Variants in C3 observed in about 807,000 individuals in gnomAD.
The protein encoded by C3 is complement C3.
C3 carries 97 observed loss-of-function variants against 207.9 expected under a neutral mutation model. That is an observed-to-expected ratio of 0.47 (90% CI 0.40 to 0.55). C3 has a LOEUF of 0.55. Among genes scored for constraint, C3 ranks in the 20% least tolerant of loss-of-function variants. The probability of loss-of-function intolerance (pLI) is 0.00; values close to 1 mark genes in which losing one functional copy is unlikely to be tolerated. For missense variants in C3, 1,684 were observed against 2,171.7 expected (o/e 0.78, Z 4.46); for synonymous variants, 848 against 857.6 (o/e 0.99, Z 0.20).
At chr19:6,708,852 A>G (rs1246412927) in intron 14 of C3, among the ~76,000 whole-genome samples, 1 of 151,362 alleles carries the variant, frequency 6.6e-6, no homozygotes, top group Non-Finnish European at 1.5e-5. Flanking sequence ...ATGCCCAGCT[A>G]TTTTAAAATT....
rs146613648 is a variant in C3 at position 6,707,920 on chromosome 19, C to T, written c.1855G>A (p.Val619Met). 7.3e-4 allele frequency: 1,175 copies of T among 1,613,726 alleles called. No homozygotes were observed. Among genetic ancestry groups the T allele is most frequent in the Non-Finnish European group, 9.2e-4 (1,091 of 1,180,018 alleles). Residue 619 changes from valine (V) to methionine (M), a missense_variant, in exon 15 of 41, where the codon GTG becomes ATG. Physicochemically the swap from Val to Met is conservative, Grantham distance 21. This residue lies in a region of C3 where 1,280 missense variants were observed against 1,739.1 expected (regional missense o/e 0.74). Coordinates refer to ENST00000245907, the MANE Select transcript of C3 (RefSeq NM_000064.4). ...CAGCCGATGTCTGCCTTCTCCACCA[C>T]GTCCCAGATCTGCGGGGGGCATAGG... ...NKLTQSKIWD[V>M]VEKADIGCTP...
intron 2 of C3, among the ~76,000 whole-genome samples, chr19:6,718,677 G>A (rs921367796): frequency 6.6e-6 from 1 of 151,428 alleles, no homozygotes; most frequent in Non-Finnish European, 1.5e-5. Flanking sequence ...AAAGGGAAGG[G>A]GCTGACATGG....
In C3 at chr19:6,689,328, C is replaced by CTT. The variant is rs1599503345; in HGVS notation, c.3489+1300_3489+1301insAA. 3.2e-4 allele frequency among the ~76,000 whole-genome samples: 17 copies of CTT among 53,270 alleles called. No individual in the cohort carries two copies. In the East Asian group the frequency reaches 5.9e-3, roughly 18 times the overall value. 34.9% of individuals were successfully genotyped at this position (53,270 alleles called of 152,430 possible). ...CTCTCTCTCTCTCTCTCTCTACCTACCTCCCTCCCTCCCTCCCTCCCTCCC... is the reference window on the plus strand; with the variant it reads ...CTCTCTCTCTCTCTCTCTCTACCTACTTCTCCCTCCCTCCCTCCCTCCCTCCC... On this transcript the variant is annotated intron_variant, in intron 27 of 40. Coordinates refer to ENST00000245907, the MANE Select transcript of C3 (RefSeq NM_000064.4).
intron 26 of C3, among the ~76,000 whole-genome samples, chr19:6,692,428 C>T (rs539089777): frequency 1.3e-5 from 2 of 152,236 alleles, no homozygotes; most frequent in South Asian, 4.1e-4. Context: ...AAAAAATCAC[C>T]CCAACTGCTA....
rs2145396562 is a variant in C3 at position 6,685,058 on chromosome 19, A to C, written c.3899T>G (p.Leu1300Arg). 1 of 1,613,958 alleles carries C rather than the reference A, an allele frequency of 6.2e-7. No individual in the cohort carries two copies. Among genetic ancestry groups the C allele is most frequent in the East Asian group, 2.2e-5 (1 of 44,882 alleles). The change falls in exon 30 of 41, where the codon CTG becomes CGG. Residue 1300 changes from leucine to arginine, a missense_variant. Coordinates refer to ENST00000245907, the MANE Select transcript of C3 (RefSeq NM_000064.4). ...GGTGATCTTGGAGCTGCGGCTGGGCAGTTGGAGGGACACATCAAGGTTCAG... is the reference window on the plus strand; with the variant it reads ...GGTGATCTTGGAGCTGCGGCTGGGCCGTTGGAGGGACACATCAAGGTTCAG... ...QELNLDVSLQ[L>R]PSRSSKITHR... is the part of the protein sequence containing the mutation.
At position 6,719,423 on chromosome 19, in the gene C3, G is replaced by T; in HGVS notation, c.75-20C>A. 2 of 1,610,734 alleles carry T rather than the reference G, an allele frequency of 1.2e-6. No individual in the cohort carries two copies. Among genetic ancestry groups the T allele is most frequent in the Non-Finnish European group, 1.7e-6 (2 of 1,177,168 alleles). On this transcript the variant is annotated intron_variant, in intron 1 of 40. Coordinates refer to ENST00000245907, the MANE Select transcript of C3 (RefSeq NM_000064.4). This position sits in a 1 kb window ranked among gnomAD's most constrained non-coding sequence, Gnocchi z 5.4. ...GAGTACCTGTCGGAGTGGGGCACGG[G>T]AGTGGGCTTGTCATTCCACGGATGT... is the stretch of plus-strand genomic sequence containing the variant.
rs1167343514 is a variant in C3 at position 6,697,782 on chromosome 19, G to C, written c.2453C>G (p.Ala818Gly). 1 of 1,613,266 alleles carries C rather than the reference G, an allele frequency of 6.2e-7. No individual in the cohort carries two copies. The highest frequency in any genetic ancestry group is 2.2e-5 in the East Asian group (1 of 44,856). ...CATTACTGTGACCTCGAAGGGGTCT[G>C]CCACACAGATCCCTGCTCGGGCAGA... ...SMSDKKGICV[A>G]DPFEVTVMQD... The change falls in exon 20 of 41, where the codon GCA becomes GGA. Residue 818 changes from alanine (A) to glycine (G), a missense_variant. Ala to Gly is a moderately conservative substitution (Grantham distance 60). Coordinates refer to ENST00000245907, the MANE Select transcript of C3 (RefSeq NM_000064.4).
chr19:6,685,244 C>A, intron 29 of C3, 98 bp from the exon 30 acceptor site: 1 of 1,128,094 alleles, frequency 8.9e-7, no homozygotes, highest in South Asian at 1.3e-5. Context: ...GCTGGGACAT[C>A]AAAATGTGGC....
chr19:6,707,944 G>A lies in C3; in HGVS notation c.1846-15C>T, dbSNP rs1287256771. 1.2e-6 allele frequency: 2 copies of A among 1,613,242 alleles called. No individual in the cohort carries two copies. Among genetic ancestry groups the A allele is most frequent in the East Asian group, 4.5e-5 (2 of 44,878 alleles). ...ACGTCCCAGATCTGCGGGGGGCATA[G>A]GGGTGGCGGGACGCAGGGAGGCCAG... On this transcript the variant is annotated splice_polypyrimidine_tract_variant and intron_variant, in intron 14 of 40. Transcript: ENST00000245907.
intron 19 of C3, among the ~76,000 whole-genome samples, chr19:6,699,263 C>T (rs10221476): frequency 0.67 from 95,111 of 142,468 alleles, 31,950 homozygotes; most frequent in East Asian, 0.84. Flanking sequence ...TTTGTAGAGA[C>T]GGGGCTTTGC....
intron 26 of C3, among the ~76,000 whole-genome samples, chr19:6,691,017 G>C (rs577933943): frequency 6.6e-6 from 1 of 151,234 alleles, no homozygotes; most frequent in African/African-American, 2.4e-5. Context: ...TAGTAGGGAA[G>C]ATGGACATGG....
intron 19 of C3, among the ~76,000 whole-genome samples, chr19:6,698,002 T>C (rs567594100): frequency 6.0e-5 from 1 of 16,758 alleles, no homozygotes; most frequent in East Asian, 7.4e-3. Context: ...ATTATTATTA[T>C]TATTATTATT....
At chr19:6,685,618 G>A (rs1225815556) in intron 29 of C3, among the ~76,000 whole-genome samples, 1 of 152,138 alleles carries the variant, frequency 6.6e-6, no homozygotes, top group Non-Finnish European at 1.5e-5. Context: ...AAGAAAGGAG[G>A]CCAACTGGAG....
chr19:6,678,993 A>T (rs1377489794), intron 38 of C3, 132 bp downstream of exon 38: 2 of 741,648 alleles, frequency 2.7e-6, no homozygotes, highest in Non-Finnish European at 4.9e-6. Context: ...CTCACAATAC[A>T]TGCTCTCACA....
In C3 at chr19:6,718,172, G is replaced by A. The variant is rs1968082935; in HGVS notation, c.434-8C>T. 7 of 1,614,080 alleles carry A rather than the reference G, an allele frequency of 4.3e-6. No individual in the cohort carries two copies. The highest frequency in any genetic ancestry group is 5.1e-6 in the Non-Finnish European group (6 of 1,180,052). On this transcript the variant is annotated splice_region_variant and splice_polypyrimidine_tract_variant and intron_variant, in intron 3 of 40. Transcript: ENST00000245907. ...TGAAGATCCGATAGAGAACTGGGGA[G>A]AGACAAAGAGGCCTCGTGAGACCCT...
rs757757970 is a variant in C3 at position 6,679,539 on chromosome 19, C to T, written c.4457-43G>A. 3.7e-6 allele frequency: 5 copies of T among 1,357,672 alleles called. No homozygotes were observed. The African/African-American group carries it at 4.3e-5, about 12-fold the overall frequency. 84.1% of individuals were successfully genotyped at this position (1,357,672 alleles called of 1,614,324 possible). A position where few individuals can be genotyped will look rare whatever the true frequency, so the allele number is the denominator to read the frequency against. ...GTGAAGATGAGAGGATAAGGGCCTC[C>T]CTCCAAAGACCATGCCTGGGAGGCC... On this transcript the variant is annotated intron_variant, in intron 36 of 40. Transcript: ENST00000245907.
chr19:6,697,066 A>G (rs1391143342), intron 21 of C3, among the ~76,000 whole-genome samples: 2 of 82,956 alleles, frequency 2.4e-5, no homozygotes, highest in African/African-American at 1.0e-4. Context: ...ACAAATAAAT[A>G]AATAAATAAA....
At position 6,713,214 on chromosome 19, in the gene C3, C is replaced by CA; in HGVS notation, c.977dup (p.Ser327ValfsTer11). On this transcript the variant is annotated frameshift_variant, in exon 9 of 41. Coordinates refer to ENST00000245907, the MANE Select transcript of C3 (RefSeq NM_000064.4). LOFTEE classifies it high-confidence loss of function. The stretch of plus-strand genomic sequence containing the variant: ...CTGAGTGCAAGATGACGGTGGCAGA[C>CA]ACGTACAAAGACTTCCCCACCAGGT... The CA allele has an allele frequency of 1.2e-6, 2 of 1,613,744 alleles. No homozygotes were observed. The highest frequency in any genetic ancestry group is 1.1e-5 in the South Asian group (1 of 91,086).
intron 33 of C3, chr19:6,684,179 A>C (rs1917937516): frequency 2.1e-5 from 14 of 652,190 alleles, no homozygotes; most frequent in South Asian, 3.4e-5. Flanking sequence ...ATGCTTTGAC[A>C]GTCTCAGCTT....
Sources: gnomAD v4.1 joint callset for allele counts (sites outside exome capture counted in the v4.1 genomes callset) on GRCh38, gnomAD v4.1.1 for gene constraint, gnomAD v4.1.1 regional missense constraint, Gnocchi (gnomAD v3.1) non-coding constraint, MANE v1.5 for transcripts, NCBI Gene and HGNC (gene_info 2026-07-23, HGNC 2026-07-21) for gene names.